PIK3CB: variants seen among roughly 807,000 people sequenced by gnomAD.
PIK3CB encodes the protein phosphatidylinositol 4,5-bisphosphate 3-kinase catalytic subunit beta isoform.
A neutral mutation model predicts 136.8 loss-of-function variants in PIK3CB; 39 were observed. That is an observed-to-expected ratio of 0.29 (90% confidence interval 0.22 to 0.37). The LOEUF is 0.37. Ranked by LOEUF, PIK3CB falls within the 10% of genes least tolerant of loss-of-function variation. The probability of loss-of-function intolerance (pLI) is 1.00; values close to 1 mark genes in which losing one functional copy is unlikely to be tolerated. For missense variants in PIK3CB, 868 were observed against 1,275.4 expected (o/e 0.68, Z 4.87); for synonymous variants, 428 against 436.6 (o/e 0.98, Z 0.25).
At chr3:138,795,058 G>A (rs1214147365) in intron 2 of PIK3CB, among the ~76,000 whole-genome samples, 4 of 152,024 alleles carry the variant, frequency 2.6e-5, no homozygotes, top group African/African-American at 7.2e-5. Context: ...GGTGGCTCAC[G>A]CCTGTAATCC....
intron 22 of PIK3CB, 125 bp from the exon 23 acceptor site, chr3:138,656,399 G>C (rs2043192518): frequency 1.0e-6 from 1 of 994,144 alleles, no homozygotes; most frequent in East Asian, 2.6e-5. Flanking sequence ...CTGAACTAAA[G>C]GTTCATTTCT....
intron 2 of PIK3CB, among the ~76,000 whole-genome samples, chr3:138,779,639 T>C (rs923430947): frequency 6.6e-6 from 1 of 150,934 alleles, no homozygotes; most frequent in African/African-American, 2.4e-5. Flanking sequence ...GTGATCCATC[T>C]GCCTTAGCCT....
chr3:138,709,771 T>C (rs2044456819), intron 10 of PIK3CB, among the ~76,000 whole-genome samples: 1 of 151,956 alleles, frequency 6.6e-6, no homozygotes, highest in Non-Finnish European at 1.5e-5. Flanking sequence ...ACTAGTCAAG[T>C]TGGTTGGTGA....
At chr3:138,744,376 C>A in intron 4 of PIK3CB, among the ~76,000 whole-genome samples, 1 of 94,874 alleles carries the variant, frequency 1.1e-5, no homozygotes, top group African/African-American at 4.0e-5. Context: ...GACTGGGTGA[C>A]AGAGCGAGAC....
intron 4 of PIK3CB, among the ~76,000 whole-genome samples, chr3:138,744,594 T>C (rs1162142293): frequency 6.6e-6 from 1 of 151,942 alleles, no homozygotes; most frequent in Non-Finnish European, 1.5e-5. Context: ...TTCACAGATA[T>C]ACATCATAAT....
At position 138,656,132 on chromosome 3, in the gene PIK3CB, G is replaced by A. The variant is rs1309033804; in HGVS notation, c.3075+10C>T. On this transcript the variant is annotated intron_variant, in intron 23 of 23. Transcript: ENST00000674063. ...CAAAGTCCAAGAGAGAAGGAAAAGT[G>A]GTTTTATACCTTAAGATACTGTATA... 1 of 1,613,384 alleles carries A rather than the reference G, an allele frequency of 6.2e-7. No homozygotes were observed. The highest frequency in any genetic ancestry group is 1.3e-5 in the African/African-American group (1 of 74,896).
intron 9 of PIK3CB, 102 bp downstream of exon 9, chr3:138,714,366 A>T: frequency 1.4e-6 from 1 of 713,992 alleles, no homozygotes; most frequent in East Asian, 3.0e-5. Flanking sequence ...TTAAGGATCA[A>T]AGTTACCTAA....
chr3:138,810,859 G>A (rs1349325066), intron 1 of PIK3CB, among the ~76,000 whole-genome samples: 1 of 152,030 alleles, frequency 6.6e-6, no homozygotes, highest in African/African-American at 2.4e-5. Context: ...AGCGGAGCTT[G>A]CAGTGAGCCG....
chr3:138,832,525 C>G (rs1219203788), intron 1 of PIK3CB, among the ~76,000 whole-genome samples: 1 of 151,684 alleles, frequency 6.6e-6, no homozygotes, highest in Non-Finnish European at 1.5e-5. Context: ...AACCACCTCT[C>G]TACCAAAAAT....
At chr3:138,703,630 A>ATAGATG (rs1188000273) in intron 12 of PIK3CB, among the ~76,000 whole-genome samples, 1 of 152,008 alleles carries the variant, frequency 6.6e-6, no homozygotes, top group Non-Finnish European at 1.5e-5. Flanking sequence ...ATATAGATAT[A>ATAGATG]TAGATGTAGA....
intron 19 of PIK3CB, among the ~76,000 whole-genome samples, chr3:138,680,504 C>T (rs2043750292): frequency 6.6e-6 from 1 of 152,046 alleles, no homozygotes; most frequent in Admixed American, 6.6e-5. Context: ...TCTCTGTCTA[C>T]AATTCCAATT....
intron 8 of PIK3CB, among the ~76,000 whole-genome samples, chr3:138,722,357 G>A (rs375810554): frequency 6.6e-6 from 1 of 151,816 alleles, no homozygotes; most frequent in East Asian, 1.9e-4. Flanking sequence ...TTGTATGGGA[G>A]GTTATAAGAT....
At chr3:138,761,320 G>A (rs1214759824) in intron 2 of PIK3CB, among the ~76,000 whole-genome samples, 1 of 152,210 alleles carries the variant, frequency 6.6e-6, no homozygotes, top group African/African-American at 2.4e-5. Flanking sequence ...CAGCCAAGTA[G>A]AGAATGTGGC....
At chr3:138,715,463 G>C (rs1406011231) in intron 8 of PIK3CB, among the ~76,000 whole-genome samples, 2 of 152,142 alleles carry the variant, frequency 1.3e-5, no homozygotes, top group African/African-American at 4.8e-5. Flanking sequence ...TTTTATACCA[G>C]TTTATTCAGA....
intron 2 of PIK3CB, among the ~76,000 whole-genome samples, chr3:138,787,640 ACAAT>A (rs2045996472): frequency 1.3e-5 from 2 of 152,140 alleles, no homozygotes; most frequent in South Asian, 2.1e-4. Context: ...AAGGTAGTAC[ACAAT>A]CAATCAGTAA....
At chr3:138,815,453 A>G (rs1270100954) in intron 1 of PIK3CB, among the ~76,000 whole-genome samples, 1 of 151,124 alleles carries the variant, frequency 6.6e-6, no homozygotes, top group East Asian at 1.9e-4. Flanking sequence ...AAGAAAGAGA[A>G]TTAAAAAAAG....
At chr3:138,811,906 T>C (rs1378113173) in intron 1 of PIK3CB, among the ~76,000 whole-genome samples, 1 of 152,076 alleles carries the variant, frequency 6.6e-6, no homozygotes, top group Admixed American at 6.6e-5. Flanking sequence ...CTGGGAACTG[T>C]GGCAAAACCT....
At chr3:138,827,789 C>T (rs1248725867) in intron 1 of PIK3CB, among the ~76,000 whole-genome samples, 1 of 150,596 alleles carries the variant, frequency 6.6e-6, no homozygotes, top group Non-Finnish European at 1.5e-5. Flanking sequence ...ACTATCCTGG[C>T]TAACACGGTG....
chr3:138,789,446 G>A (rs1216296376), intron 2 of PIK3CB, among the ~76,000 whole-genome samples: 1 of 152,046 alleles, frequency 6.6e-6, no homozygotes, highest in Non-Finnish European at 1.5e-5. Context: ...TTGACAGAGT[G>A]AGACCCTATC....
Sources: gnomAD v4.1 joint callset for allele counts (sites outside exome capture counted in the v4.1 genomes callset) on GRCh38, gnomAD v4.1.1 for gene constraint, MANE v1.5 for transcripts, NCBI Gene and HGNC (gene_info 2026-07-23, HGNC 2026-07-21) for gene names.